RTL4: variants seen among roughly 807,000 people sequenced by gnomAD.
RTL4 encodes the protein retrotransposon Gag-like protein 4.
In RTL4, 4 loss-of-function variants were observed where a neutral mutation model predicts 5.3. The observed-to-expected ratio is 0.75, with a 90% CI of 0.37 to 1.72. RTL4 has a LOEUF of 1.72. Among genes scored for constraint, RTL4 ranks in the 40% most tolerant of loss-of-function variants. RTL4 has a pLI of 0.04. For missense variants in RTL4, 260 were observed against 227.1 expected (o/e 1.14, Z -0.93); for synonymous variants, 98 against 87.3 (o/e 1.12, Z -0.68).
At chrX:112,401,588 A>G in the RTL4 span, among the ~76,000 whole-genome samples, 1 of 106,736 alleles carries the variant, frequency 9.4e-6, no homozygotes, top group African/African-American at 3.5e-5. Context: ...TAACCTATAT[A>G]GTGAATACCC....
the RTL4 span, among the ~76,000 whole-genome samples, chrX:112,405,034 A>T: frequency 9.0e-6 from 1 of 111,495 alleles, no homozygotes; most frequent in Non-Finnish European, 1.9e-5. Flanking sequence ...GATCCAGGTG[A>T]TCGGTGGCTC....
chrX:112,264,443 T>G, the RTL4 span, among the ~76,000 whole-genome samples: 1 of 112,061 alleles, frequency 8.9e-6, no homozygotes, highest in African/African-American at 3.2e-5. Context: ...GAAGAGTTAA[T>G]ACTCATTCAG....
chrX:112,304,020 A>G, the RTL4 span, among the ~76,000 whole-genome samples: 7 of 110,766 alleles, frequency 6.3e-5, no homozygotes, highest in African/African-American at 2.3e-4. Context: ...ACAGTAGCTA[A>G]TGTGGCCCTT....
the RTL4 span, among the ~76,000 whole-genome samples, chrX:112,144,921 A>C: frequency 9.0e-5 from 10 of 111,641 alleles, no homozygotes; most frequent in Non-Finnish European, 1.9e-4. Flanking sequence ...ACCTGTTTTC[A>C]AGGCTCCTGA....
At chrX:112,329,057 G>A in the RTL4 span, among the ~76,000 whole-genome samples, 4 of 110,786 alleles carry the variant, frequency 3.6e-5, no homozygotes, top group African/African-American at 6.6e-5. Context: ...GAGAAAGCAG[G>A]AAAGATCCAA....
chrX:112,153,247 G>T, the RTL4 span, among the ~76,000 whole-genome samples: 1 of 111,627 alleles, frequency 9.0e-6, no homozygotes, highest in Non-Finnish European at 1.9e-5. Context: ...GAACATTAAA[G>T]CCATAAACAG....
At chrX:112,307,186 T>C in the RTL4 span, among the ~76,000 whole-genome samples, 1 of 112,110 alleles carries the variant, frequency 8.9e-6, no homozygotes. Context: ...TATTAATCAT[T>C]TTCTATGGGT....
chrX:112,267,484 C>T, the RTL4 span, among the ~76,000 whole-genome samples: 1 of 111,840 alleles, frequency 8.9e-6, no homozygotes, highest in Non-Finnish European at 1.9e-5. Flanking sequence ...TCCCTCTGTC[C>T]TCCAATCTCT....
chrX:112,143,459 A>AGCACTC, the RTL4 span, among the ~76,000 whole-genome samples: 1 of 111,545 alleles, frequency 9.0e-6, no homozygotes. Context: ...ATGTAGATTC[A>AGCACTC]GCACTCAAGA....
the RTL4 span, among the ~76,000 whole-genome samples, chrX:112,238,765 C>T: frequency 2.7e-5 from 3 of 111,179 alleles, no homozygotes; most frequent in Non-Finnish European, 5.7e-5. Context: ...CAGGCACAGA[C>T]AAAAAGCTCC....
the RTL4 span, among the ~76,000 whole-genome samples, chrX:112,321,410 C>T: frequency 9.2e-6 from 1 of 109,012 alleles, no homozygotes; most frequent in Non-Finnish European, 1.9e-5. Flanking sequence ...GTGGCGCGTG[C>T]CTGTAGTCCC....
At chrX:112,353,035 C>T in the RTL4 span, among the ~76,000 whole-genome samples, 365 of 111,844 alleles carry the variant, frequency 3.3e-3, 2 homozygotes, top group African/African-American at 0.011. Flanking sequence ...TATGAACAGA[C>T]GCTTCTCAAA....
the RTL4 span, among the ~76,000 whole-genome samples, chrX:112,422,669 A>G: frequency 9.0e-6 from 1 of 111,445 alleles, no homozygotes; most frequent in Non-Finnish European, 1.9e-5. Flanking sequence ...GACTTCTTGT[A>G]CATCCAAGCC....
the RTL4 span, among the ~76,000 whole-genome samples, chrX:112,120,218 C>A: frequency 0.17 from 18,932 of 111,712 alleles, 2,463 homozygotes; most frequent in African/African-American, 0.45. Flanking sequence ...GGTGGAAAAG[C>A]CTGCGTTACA....
chrX:112,251,149 G>A, the RTL4 span, among the ~76,000 whole-genome samples: 1 of 112,025 alleles, frequency 8.9e-6, no homozygotes, highest in Non-Finnish European at 1.9e-5. Context: ...GAAAAATGAA[G>A]TATTTTAGGA....
At chrX:112,171,844 G>C in the RTL4 span, among the ~76,000 whole-genome samples, 1 of 112,118 alleles carries the variant, frequency 8.9e-6, no homozygotes, top group Non-Finnish European at 1.9e-5. Context: ...TGCAACAACA[G>C]AAAAAATTGA....
At chrX:112,113,881 G>C in the RTL4 span, among the ~76,000 whole-genome samples, 6 of 111,507 alleles carry the variant, frequency 5.4e-5, no homozygotes, top group Admixed American at 9.5e-5. Context: ...CTATGACTTA[G>C]GCTGCAGCCT....
chrX:112,338,945 T>A, the RTL4 span, among the ~76,000 whole-genome samples: 3 of 112,180 alleles, frequency 2.7e-5, no homozygotes, highest in Non-Finnish European at 3.8e-5. Context: ...CATATAATTA[T>A]ATATAAATCA....
the RTL4 span, among the ~76,000 whole-genome samples, chrX:112,165,002 G>A: frequency 9.0e-6 from 1 of 111,727 alleles, no homozygotes; most frequent in African/African-American, 3.3e-5. Context: ...ATTCATTCCT[G>A]TACCTGACCT....
Sources: gnomAD v4.1 joint callset for allele counts (sites outside exome capture counted in the v4.1 genomes callset) on GRCh38, gnomAD v4.1.1 for gene constraint, MANE v1.5 for transcripts, NCBI Gene and HGNC (gene_info 2026-07-23, HGNC 2026-07-21) for gene names.